EBF4: variants seen among roughly 807,000 people sequenced by gnomAD.
EBF4 encodes EBF transcription factor 4.
A neutral mutation model predicts 67.1 loss-of-function variants in EBF4; 34 were observed. The ratio of observed to expected loss-of-function variants is 0.51; its 90% CI spans 0.39 to 0.67. The LOEUF (loss-of-function observed/expected upper bound fraction) is 0.67, where lower values mean the gene tolerates loss of function less well. Ranked by LOEUF, EBF4 falls within the 30% of genes least tolerant of loss-of-function variation. The pLI is 0.00. For missense variants in EBF4, 837 were observed against 873.3 expected (o/e 0.96, Z 0.52); for synonymous variants, 387 against 377.7 (o/e 1.02, Z -0.29).
At chr20:2,709,166 G>A (rs559128313) in intron 5 of EBF4, among the ~76,000 whole-genome samples, 1 of 152,170 alleles carries the variant, frequency 6.6e-6, no homozygotes, top group Non-Finnish European at 1.5e-5. Context: ...CAGCCTGGGT[G>A]ACAGAATGAG....
chr20:2,709,283 T>A (rs2087504703), intron 5 of EBF4, among the ~76,000 whole-genome samples: 1 of 152,208 alleles, frequency 6.6e-6, no homozygotes, highest in Non-Finnish European at 1.5e-5. Context: ...AGAGAAACCC[T>A]GTAGGTGACC....
At chr20:2,757,066 G>GA (rs2088256312) in intron 15 of EBF4, among the ~76,000 whole-genome samples, 1 of 152,326 alleles carries the variant, frequency 6.6e-6, no homozygotes, top group Admixed American at 6.5e-5. Flanking sequence ...AGCAAGGCCA[G>GA]TGGCTTGGGC....
chr20:2,725,490 A>G (rs767312962), intron 6 of EBF4, among the ~76,000 whole-genome samples: 2 of 151,864 alleles, frequency 1.3e-5, no homozygotes, highest in Non-Finnish European at 2.9e-5. Context: ...AATGTTTTGT[A>G]GTTATTTTAC....
Position 2,709,500 on chromosome 20 carries a change from C to G in EBF4, c.489-74C>G. 6 of 1,424,298 alleles carry G rather than the reference C, an allele frequency of 4.2e-6. No individual in the cohort carries two copies. The South Asian group carries it at 8.4e-5, about 20-fold the overall frequency. The allele number at this position is 1,424,298 out of a possible 1,614,324, so 88.2% of individuals were successfully genotyped here. A position where few individuals can be genotyped will look rare whatever the true frequency, so the allele number is the denominator to read the frequency against. ...CAGCACCCTCAGCTCAGGGCGCCCCCCACAACTCACACACTGTCGTGGCCC... is the reference window on the plus strand; with the variant it reads ...CAGCACCCTCAGCTCAGGGCGCCCCGCACAACTCACACACTGTCGTGGCCC... On this transcript the variant is annotated intron_variant, in intron 5 of 16. Coordinates refer to ENST00000609451, the Ensembl canonical transcript of EBF4.
chr20:2,730,525 TG>T (rs11332271), intron 6 of EBF4, among the ~76,000 whole-genome samples: 3,744 of 152,248 alleles, frequency 0.025, 95 homozygotes, highest in Middle Eastern at 0.071. Context: ...ACATAACTTT[TG>T]GGGGGGCCAC....
chr20:2,709,581 T>G, exon 6 of EBF4: 1 of 1,555,296 alleles, frequency 6.4e-7, no homozygotes. Context: ...CAGCCGGTGC[T>G]GTGACCGGAA....
In EBF4 at chr20:2,706,671, C is replaced by G. The variant is rs531602294; in HGVS notation, c.414+407C>G. ...CGAAGCAAGTACCAGGATTTTGCAC[C>G]CCGTATCAATTAGTCATTGGCTGGG... is the stretch of plus-strand genomic sequence containing the variant. On this transcript the variant is annotated intron_variant, in intron 4 of 16. Coordinates refer to ENST00000609451, the Ensembl canonical transcript of EBF4. Among the ~76,000 whole-genome samples, 21 of 152,244 alleles carry G rather than the reference C, an allele frequency of 1.4e-4. No homozygotes were observed. The East Asian group carries it at 4.1e-3, about 29-fold the overall frequency.
intron 1 of EBF4, among the ~76,000 whole-genome samples, chr20:2,702,134 CAGAA>C (rs1487922591): frequency 1.3e-5 from 2 of 152,098 alleles, no homozygotes; most frequent in Non-Finnish European, 2.9e-5. Flanking sequence ...AATCTGTGGT[CAGAA>C]AGAAAGGTGT....
chr20:2,728,582 G>T (rs2087773958), intron 6 of EBF4, among the ~76,000 whole-genome samples: 1 of 152,154 alleles, frequency 6.6e-6, no homozygotes, highest in African/African-American at 2.4e-5. Context: ...TCTGTCATTT[G>T]TGCCTCTGGA....
chr20:2,703,552 C>G (rs1336043667), intron 1 of EBF4, among the ~76,000 whole-genome samples: 1 of 151,980 alleles, frequency 6.6e-6, no homozygotes, highest in African/African-American at 2.4e-5. Context: ...GTAGTCACAC[C>G]TACTTGGAGG....
intron 1 of EBF4, among the ~76,000 whole-genome samples, chr20:2,694,342 C>T (rs1270660761): frequency 1.3e-5 from 2 of 152,164 alleles, no homozygotes; most frequent in African/African-American, 2.4e-5. Context: ...GGCCTGGGAA[C>T]TGGGCAGGGC....
At chr20:2,750,464 C>G (rs552957718) in intron 10 of EBF4, among the ~76,000 whole-genome samples, 1 of 152,010 alleles carries the variant, frequency 6.6e-6, no homozygotes, top group South Asian at 2.1e-4. Flanking sequence ...GACGCCAGGG[C>G]GAGCAGTGAA....
intron 6 of EBF4, among the ~76,000 whole-genome samples, chr20:2,731,919 G>C (rs2087818965): frequency 6.6e-6 from 1 of 152,170 alleles, no homozygotes; most frequent in African/African-American, 2.4e-5. Flanking sequence ...TGTGTGCAGA[G>C]CTTCAACACA....
At chr20:2,733,192 C>T (rs899895390) in intron 6 of EBF4, among the ~76,000 whole-genome samples, 11 of 152,218 alleles carry the variant, frequency 7.2e-5, no homozygotes, top group East Asian at 5.8e-4. Flanking sequence ...ATTTTTTGGT[C>T]GATAGTTGTT....
intron 1 of EBF4, among the ~76,000 whole-genome samples, chr20:2,699,961 G>A (rs1026324946): frequency 6.6e-6 from 1 of 152,206 alleles, no homozygotes; most frequent in Non-Finnish European, 1.5e-5. Context: ...CTCCCCTGCT[G>A]TTAGCTGCTT....
intron 6 of EBF4, among the ~76,000 whole-genome samples, chr20:2,740,805 G>T (rs2087955972): frequency 6.6e-6 from 1 of 152,288 alleles, no homozygotes. Flanking sequence ...CAGAGGTCTG[G>T]AGTGTGAATG....
At chr20:2,750,789 G>A (rs1240063371) in intron 10 of EBF4, among the ~76,000 whole-genome samples, 1 of 152,220 alleles carries the variant, frequency 6.6e-6, no homozygotes, top group African/African-American at 2.4e-5. Flanking sequence ...TTGGTAGGGA[G>A]TGCCTGCTGA....
At chr20:2,744,081 T>A (rs1470253602) in intron 6 of EBF4, among the ~76,000 whole-genome samples, 1 of 110,416 alleles carries the variant, frequency 9.1e-6, no homozygotes, top group African/African-American at 4.0e-5. Context: ...ATTTATTTTT[T>A]TTATTTTTTT....
downstream of EBF4, chr20:2,759,414 GCTCA>G: frequency 4.5e-6 from 1 of 222,418 alleles, no homozygotes; most frequent in Non-Finnish European, 9.1e-6. Context: ...TTCACCCCAT[GCTCA>G]AGCCTCCCCG....
Sources: gnomAD v4.1 joint callset for allele counts (sites outside exome capture counted in the v4.1 genomes callset) on GRCh38, gnomAD v4.1.1 for gene constraint, MANE v1.5 for transcripts, NCBI Gene and HGNC (gene_info 2026-07-23, HGNC 2026-07-21) for gene names.